The following OXR1 variants were observed in gnomAD, a reference collection of about 807,000 sequenced individuals.
OXR1 encodes oxidation resistance protein 1.
Under a neutral mutation model 104.6 loss-of-function variants are expected in OXR1, and 41 were observed. The observed-to-expected ratio is 0.39, with a 90% CI of 0.31 to 0.51. The LOEUF (loss-of-function observed/expected upper bound fraction) is 0.51, where lower values mean the gene tolerates loss of function less well. OXR1 is among the 20% of genes least tolerant of loss of function. The pLI is 0.77. For missense variants in OXR1, 955 were observed against 1,031.9 expected (o/e 0.93, Z 1.02); for synonymous variants, 348 against 348.4 (o/e 1.00, Z 0.01).
intron 3 of OXR1, among the ~76,000 whole-genome samples, chr8:106,540,059 A>G (rs966343876): frequency 7.2e-5 from 11 of 152,232 alleles, no homozygotes; most frequent in Non-Finnish European, 1.3e-4. Context: ...GAAAAAGTCA[A>G]GTATACATAT....
At chr8:106,723,356 G>C (rs1833001431) in intron 11 of OXR1, among the ~76,000 whole-genome samples, 1 of 152,098 alleles carries the variant, frequency 6.6e-6, no homozygotes, top group Admixed American at 6.5e-5. Context: ...ACAATAGCCA[G>C]GTGTGGTGGT....
At chr8:106,742,192 T>C in intron 14 of OXR1, 30 bp from the exon 15 acceptor site, 1 of 1,178,360 alleles carries the variant, frequency 8.5e-7, no homozygotes, top group Non-Finnish European at 1.3e-6. Flanking sequence ...TTGTTAGTCG[T>C]GTCATTGAAT....
In OXR1 at chr8:106,712,176, C is replaced by T. The variant is rs1831763808; in HGVS notation, c.1793+1386C>T. Among the ~76,000 whole-genome samples, 6 of 145,766 alleles carry T rather than the reference C, an allele frequency of 4.1e-5. No individual in the cohort carries two copies. The South Asian group carries it at 1.3e-3, about 31-fold the overall frequency. Reference sequence around the variant, plus strand: ...TAATAATGTCATTCAATTATTTAAACTTGTTTCTATATAATTCCAAAAATT... The same window carrying T: ...TAATAATGTCATTCAATTATTTAAATTTGTTTCTATATAATTCCAAAAATT... On this transcript the variant is annotated intron_variant, in intron 10 of 16. Transcript: ENST00000517566.
intron 1 of OXR1, among the ~76,000 whole-genome samples, chr8:106,284,882 T>G (rs1299951370): frequency 6.6e-6 from 1 of 152,190 alleles, no homozygotes; most frequent in Non-Finnish European, 1.5e-5. Flanking sequence ...TTATTTGAAC[T>G]TTATTATAAA....
chr8:106,558,659 T>G (rs1337634876), intron 3 of OXR1, among the ~76,000 whole-genome samples: 3 of 152,216 alleles, frequency 2.0e-5, no homozygotes, highest in Non-Finnish European at 4.4e-5. Context: ...GTAAAACTAC[T>G]GTTTTGTGGA....
chr8:106,472,634 C>T (rs1186432622), intron 2 of OXR1, among the ~76,000 whole-genome samples: 1 of 151,816 alleles, frequency 6.6e-6, no homozygotes, highest in African/African-American at 2.4e-5. Context: ...AGACAACTTG[C>T]TATCCCATGC....
intron 2 of OXR1, among the ~76,000 whole-genome samples, chr8:106,365,690 C>T (rs550883432): frequency 1.3e-5 from 2 of 152,210 alleles, no homozygotes; most frequent in African/African-American, 4.8e-5. Flanking sequence ...TTAGAATCCG[C>T]AACCATTTTT....
At chr8:106,303,968 C>G (rs1306655484) in intron 1 of OXR1, among the ~76,000 whole-genome samples, 1 of 152,230 alleles carries the variant, frequency 6.6e-6, no homozygotes, top group African/African-American at 2.4e-5. Flanking sequence ...CACTAAAATG[C>G]CTTATGTATT....
intron 1 of OXR1, among the ~76,000 whole-genome samples, chr8:106,286,373 GTTTT>G (rs3044299): frequency 3.6e-5 from 5 of 138,174 alleles, no homozygotes; most frequent in South Asian, 2.3e-4. Context: ...TTAAGTTAGG[GTTTT>G]TTTTTTTTTT....
intron 11 of OXR1, among the ~76,000 whole-genome samples, chr8:106,733,305 G>A (rs1197390147): frequency 6.6e-6 from 1 of 152,042 alleles, no homozygotes; most frequent in Non-Finnish European, 1.5e-5. Context: ...TAATATCCAT[G>A]GGATCAGTAA....
intron 3 of OXR1, among the ~76,000 whole-genome samples, chr8:106,604,018 A>G (rs1478493260): frequency 6.6e-6 from 1 of 152,170 alleles, no homozygotes; most frequent in Non-Finnish European, 1.5e-5. Context: ...GTGCCACTGC[A>G]CTCCAGCCTG....
chr8:106,736,951 A>G (rs1834430740), intron 11 of OXR1, among the ~76,000 whole-genome samples: 1 of 152,170 alleles, frequency 6.6e-6, no homozygotes, highest in Admixed American at 6.5e-5. Context: ...CTAATTTTCT[A>G]CTTTCTAGAG....
rs367705853 is a variant in OXR1, at chr8:106,380,279, G to C, written c.23+20643G>C. Among the ~76,000 whole-genome samples the C allele has an allele frequency of 2.0e-5, 3 of 151,632 alleles. No individual in the cohort carries two copies. In the South Asian group the frequency reaches 6.2e-4, roughly 32 times the overall value. On this transcript the variant is annotated intron_variant, in intron 2 of 16. Transcript: ENST00000517566. ...AACATAATGTTTTCAAGATTTATAC[G>C]TGTCATAAAATATATTAGTACCTAA...
At position 106,665,172 on chromosome 8, in the gene OXR1, G is replaced by A. The variant is rs117061865; in HGVS notation, c.221-14038G>A. 3.8e-3 allele frequency among the ~76,000 whole-genome samples: 574 copies of A among 152,156 alleles called. 2 individuals carry two copies. The highest frequency in any genetic ancestry group is 6.1e-3 in the Non-Finnish European group (416 of 68,000). ...CACAAGGTGGGAACCAGCCCTAGAC[G>A]GGACACCATTCCACCTCAGGGCACA... On this transcript the variant is annotated intron_variant, in intron 3 of 16. Transcript: ENST00000517566.
intron 3 of OXR1, among the ~76,000 whole-genome samples, chr8:106,556,511 G>A (rs1816297820): frequency 6.6e-6 from 1 of 152,122 alleles, no homozygotes; most frequent in African/African-American, 2.4e-5. Context: ...CCTTTATTGT[G>A]TGTGTGTGAG....
chr8:106,447,617 A>G (rs1820064780), intron 2 of OXR1, among the ~76,000 whole-genome samples: 2 of 152,212 alleles, frequency 1.3e-5, no homozygotes, highest in Non-Finnish European at 2.9e-5. Context: ...AGTGATAGCA[A>G]TGTCAATATC....
At chr8:106,692,000 C>T (rs1373774684) in intron 6 of OXR1, among the ~76,000 whole-genome samples, 1 of 150,152 alleles carries the variant, frequency 6.7e-6, no homozygotes, top group African/African-American at 2.4e-5. Context: ...CACACACACA[C>T]ACACATATAT....
intron 3 of OXR1, among the ~76,000 whole-genome samples, chr8:106,592,296 A>C (rs758302088): frequency 6.6e-6 from 1 of 152,194 alleles, no homozygotes; most frequent in Non-Finnish European, 1.5e-5. Context: ...ATCAATAAAT[A>C]ATTTAAGAGA....
chr8:106,375,543 A>G (rs1816873822), intron 2 of OXR1, among the ~76,000 whole-genome samples: 1 of 152,204 alleles, frequency 6.6e-6, no homozygotes, highest in African/African-American at 2.4e-5. Flanking sequence ...TCATCAGAAC[A>G]TATATGGGGA....
Sources: allele counts gnomAD v4.1 joint callset (sites outside exome capture counted in the v4.1 genomes callset), GRCh38; gene constraint gnomAD v4.1.1; transcripts MANE v1.5; gene names NCBI Gene and HGNC (gene_info 2026-07-23, HGNC 2026-07-21).